Variants in PLXDC2 observed in about 807,000 individuals in gnomAD.
The protein encoded by PLXDC2 is plexin domain containing 2, also known as plexin domain-containing protein 2.
PLXDC2 carries 40 observed loss-of-function variants against 68.9 expected under a neutral mutation model. The ratio of observed to expected loss-of-function variants is 0.58; its 90% CI spans 0.45 to 0.76. The LOEUF is 0.76. Ranked by LOEUF, PLXDC2 falls within the 30% of genes least tolerant of loss-of-function variation. The pLI is 0.00. For missense variants in PLXDC2, 644 were observed against 661.9 expected (o/e 0.97, Z 0.30); for synonymous variants, 243 against 234.2 (o/e 1.04, Z -0.34).
intron 6 of PLXDC2, 26 bp from the exon 7 acceptor site, chr10:20,164,442 T>C (rs756922072): frequency 8.4e-6 from 13 of 1,552,324 alleles, no homozygotes; most frequent in Non-Finnish European, 1.2e-5. Flanking sequence ...ATCTAACATA[T>C]AGTTACCTGC....
In PLXDC2 at chr10:20,283,364, G is replaced by A. The variant is rs1307547090; in HGVS notation, c.*3545G>A. On this transcript the variant is annotated 3_prime_UTR_variant, in exon 14 of 14. Coordinates refer to ENST00000377252, the MANE Select transcript of PLXDC2 (RefSeq NM_032812.9). ...ATTATGCAACCTGATTAAATGTACA[G>A]ATGTGCAGACTCTTAAAAACCTTAT... 6.6e-6 allele frequency: 1 copy of A among 152,186 alleles called. No individual in the cohort carries two copies. The highest frequency in any genetic ancestry group is 2.4e-5 in the African/African-American group (1 of 41,446). The allele number at this position is 152,186 out of a possible 1,614,324, so 9.4% of individuals were successfully genotyped here. A position where few individuals can be genotyped will look rare whatever the true frequency, so the allele number is the denominator to read the frequency against.
At chr10:19,882,608 C>A (rs1044941480) in intron 1 of PLXDC2, among the ~76,000 whole-genome samples, 2 of 152,068 alleles carry the variant, frequency 1.3e-5, no homozygotes, top group African/African-American at 2.4e-5. Context: ...AGAGCTAAAT[C>A]GATGAATCAA....
chr10:20,214,268 C>A (rs1835107549), intron 10 of PLXDC2, among the ~76,000 whole-genome samples: 2 of 151,936 alleles, frequency 1.3e-5, no homozygotes, highest in Admixed American at 1.3e-4. Flanking sequence ...TTTGCTGATT[C>A]TTTCTCAGAC....
rs538516071 is a variant in PLXDC2 at position 20,097,028 on chromosome 10, C to A, written c.541+28789C>A. ...TTCAGATCTATCTATTCATTTCTGT[C>A]GGATACTCGGCAGATTGTTTTCTTA... On this transcript the variant is annotated intron_variant, in intron 4 of 13. Coordinates refer to ENST00000377252, the MANE Select transcript of PLXDC2 (RefSeq NM_032812.9). Among the ~76,000 whole-genome samples, 12 of 152,074 alleles carry A rather than the reference C, an allele frequency of 7.9e-5. No homozygotes were observed. In the South Asian group the frequency reaches 2.3e-3, roughly 29 times the overall value.
rs556960661 is a variant in PLXDC2 at position 20,131,315 on chromosome 10, A to G, written c.542-11980A>G. Among the ~76,000 whole-genome samples, 52 of 151,946 alleles carry G rather than the reference A, an allele frequency of 3.4e-4. 1 individual carries two copies. In the South Asian group the frequency reaches 0.011, roughly 32 times the overall value. On this transcript the variant is annotated intron_variant, in intron 4 of 13. Coordinates refer to ENST00000377252, the MANE Select transcript of PLXDC2 (RefSeq NM_032812.9). ...TTATACACTGCTTCTAGGTTATCGA[A>G]TTTGTTGGCATATAATTTTTATAGT...
chr10:19,866,531 A>G (rs931643756), intron 1 of PLXDC2, among the ~76,000 whole-genome samples: 1 of 152,210 alleles, frequency 6.6e-6, no homozygotes, highest in Non-Finnish European at 1.5e-5. Context: ...TCTTAAAGTC[A>G]ATTGATGAGT....
intron 1 of PLXDC2, among the ~76,000 whole-genome samples, chr10:19,872,423 T>C (rs1309732340): frequency 6.6e-6 from 1 of 152,250 alleles, no homozygotes; most frequent in Non-Finnish European, 1.5e-5. Context: ...TGGAAGTCAG[T>C]GGCCTCATAA....
At chr10:20,009,070 A>G (rs1835069968) in intron 2 of PLXDC2, among the ~76,000 whole-genome samples, 1 of 152,232 alleles carries the variant, frequency 6.6e-6, no homozygotes, top group Non-Finnish European at 1.5e-5. Flanking sequence ...CTCCTCTTCT[A>G]TATTTTAAGC....
chr10:20,037,790 A>G (rs1835604089), intron 2 of PLXDC2, among the ~76,000 whole-genome samples: 1 of 152,214 alleles, frequency 6.6e-6, no homozygotes, highest in African/African-American at 2.4e-5. Context: ...CAGAGAGGAC[A>G]ATCTCATCTA....
intron 1 of PLXDC2, among the ~76,000 whole-genome samples, chr10:19,934,790 T>G (rs181705561): frequency 6.6e-6 from 1 of 152,340 alleles, no homozygotes; most frequent in African/African-American, 2.4e-5. Flanking sequence ...TCCCTGAGCT[T>G]GTATAAGAGC....
chr10:19,945,070 C>T (rs556387247), intron 1 of PLXDC2, among the ~76,000 whole-genome samples: 60 of 152,310 alleles, frequency 3.9e-4, no homozygotes, highest in African/African-American at 1.0e-3. Context: ...ACTCAGTGAC[C>T]GGCCCAAGAG....
At chr10:19,855,565 G>T (rs192817584) in intron 1 of PLXDC2, among the ~76,000 whole-genome samples, 4 of 152,108 alleles carry the variant, frequency 2.6e-5, no homozygotes, top group Admixed American at 2.0e-4. Flanking sequence ...TCAGATTTTG[G>T]AATATTTGCA....
At chr10:20,122,958 G>A (rs1833719435) in intron 4 of PLXDC2, among the ~76,000 whole-genome samples, 1 of 152,150 alleles carries the variant, frequency 6.6e-6, no homozygotes. Context: ...GAGCTGGGCT[G>A]GATTTTTATA....
rs148162613 is a variant in PLXDC2 at position 20,174,387 on chromosome 10, A to G, written c.884-2612A>G. 1.1e-3 allele frequency among the ~76,000 whole-genome samples: 174 copies of G among 152,268 alleles called. 2 individuals carry two copies. Among genetic ancestry groups the G allele is most frequent in the African/African-American group, 4.0e-3 (167 of 41,568 alleles). On this transcript the variant is annotated intron_variant, in intron 7 of 13. Transcript: ENST00000377252. ...GAAACCAGCATTTCCTCTGATTTTT[A>G]TGAAGTTTACTTTTTGAAAAATGTA... is the stretch of plus-strand genomic sequence containing the variant.
At chr10:20,192,897 A>G (rs996476468) in intron 9 of PLXDC2, among the ~76,000 whole-genome samples, 1 of 152,106 alleles carries the variant, frequency 6.6e-6, no homozygotes, top group Non-Finnish European at 1.5e-5. Flanking sequence ...CACAGAATCT[A>G]TAAAGAGACC....
intron 1 of PLXDC2, among the ~76,000 whole-genome samples, chr10:19,914,993 C>T (rs1833339062): frequency 6.6e-6 from 1 of 152,104 alleles, no homozygotes; most frequent in Admixed American, 6.6e-5. Context: ...TACTTTCATA[C>T]TACCTCTATC....
intron 2 of PLXDC2, among the ~76,000 whole-genome samples, chr10:20,042,825 G>C (rs1835706442): frequency 6.6e-6 from 1 of 152,000 alleles, no homozygotes; most frequent in Admixed American, 6.6e-5. Context: ...TAGGTCCTCT[G>C]TTTGTCTACA....
rs555976771 is a variant in PLXDC2, at chr10:20,192,411, G to T, written c.1061+15002G>T. Among the ~76,000 whole-genome samples, 9 of 152,070 alleles carry T rather than the reference G, an allele frequency of 5.9e-5. 1 individual carries two copies. In the South Asian group the frequency reaches 1.9e-3, roughly 32 times the overall value. ...TAAAATTGCCTTTGAAAATAATTGA[G>T]GTTATTGCAAAGTGCATAATTGACA... On this transcript the variant is annotated intron_variant, in intron 9 of 13. Transcript: ENST00000377252.
At chr10:20,203,743 T>C (rs568355315) in intron 9 of PLXDC2, among the ~76,000 whole-genome samples, 1 of 152,298 alleles carries the variant, frequency 6.6e-6, no homozygotes, top group South Asian at 2.1e-4. Flanking sequence ...AGATTGAGCC[T>C]TTACTTTGGA....
Sources: allele counts gnomAD v4.1 joint callset (sites outside exome capture counted in the v4.1 genomes callset), GRCh38; gene constraint gnomAD v4.1.1; transcripts MANE v1.5; gene names NCBI Gene and HGNC (gene_info 2026-07-23, HGNC 2026-07-21).